EYS: variants seen among roughly 807,000 people sequenced by gnomAD.
The protein encoded by EYS is EGF-like photoreceptor maintenance factor, also known as protein eyes shut homolog.
EYS carries 250 observed loss-of-function variants against 282.1 expected under a neutral mutation model. The ratio of observed to expected loss-of-function variants is 0.89; its 90% CI spans 0.80 to 0.98. The LOEUF (loss-of-function observed/expected upper bound fraction) is 0.98. EYS is among the 50% of genes least tolerant of loss of function. The pLI is 0.00. For missense variants in EYS, 4,016 were observed against 3,709.0 expected, an observed-to-expected ratio of 1.08 and a Z score of -2.15; for synonymous variants, 1,355 against 1,282.9, an observed-to-expected ratio of 1.06 and a Z score of -1.20.
intron 1 of EYS, among the ~76,000 whole-genome samples, chr6:65,692,353 T>C (rs1467942252): frequency 6.7e-6 from 1 of 150,120 alleles, no homozygotes. Context: ...ACTTCACCAC[T>C]GTGCAATATA....
chr6:64,214,622 A>G (rs1765876129), intron 31 of EYS, among the ~76,000 whole-genome samples: 1 of 152,056 alleles, frequency 6.6e-6, no homozygotes, highest in Non-Finnish European at 1.5e-5. Flanking sequence ...GTCTACACAG[A>G]TTAAAGATGT....
intron 15 of EYS, among the ~76,000 whole-genome samples, chr6:64,938,805 A>G (rs78677749): frequency 1.4e-4 from 21 of 151,838 alleles, no homozygotes; most frequent in African/African-American, 5.1e-4. Context: ...TTGTCAATAT[A>G]CAATGGGTTT....
At chr6:63,966,943 G>C (rs938528567) in intron 35 of EYS, among the ~76,000 whole-genome samples, 1 of 152,116 alleles carries the variant, frequency 6.6e-6, no homozygotes, top group African/African-American at 2.4e-5. Context: ...ACAGTACTAG[G>C]ACTTTTATAT....
Position 63,953,879 on chromosome 6 carries a change from C to T in EYS, c.7055+30504G>A, listed in dbSNP as rs181651712. Among the ~76,000 whole-genome samples the T allele has an allele frequency of 1.8e-4, 28 of 152,298 alleles. 1 individual carries two copies. In the East Asian group the frequency reaches 3.7e-3, roughly 20 times the overall value. On this transcript the variant is annotated intron_variant, in intron 35 of 42. Coordinates refer to ENST00000503581, the MANE Select transcript of EYS (RefSeq NM_001142800.2). ...AAACAACTTGGCCTTACTGTTTTAG[C>T]GTAGCCCTCATGTCTGTGTGTGGTG...
rs944509454 is a variant in EYS at position 64,910,698 on chromosome 6, T to C, written c.2641+1786A>G. Reference sequence around the variant, plus strand: ...ATTCTCCCCATGACATCTTTGTCAATGTTCAATGGGACAGCAGATATCATT... The same window carrying C: ...ATTCTCCCCATGACATCTTTGTCAACGTTCAATGGGACAGCAGATATCATT... On this transcript the variant is annotated intron_variant, in intron 16 of 42. Transcript: ENST00000503581. Among the ~76,000 whole-genome samples, 11 of 152,182 alleles carry C rather than the reference T, an allele frequency of 7.2e-5. 1 individual carries two copies. The East Asian group carries it at 2.1e-3, about 29-fold the overall frequency.
At chr6:64,028,636 C>T (rs1298481496) in intron 33 of EYS, among the ~76,000 whole-genome samples, 1 of 152,184 alleles carries the variant, frequency 6.6e-6, no homozygotes, top group African/African-American at 2.4e-5. Context: ...GACCACATGT[C>T]CCAACTTACG....
Position 65,370,215 on chromosome 6 carries a change from ATTTCTTTC to A in EYS, c.1299+14163_1299+14170del, listed in dbSNP as rs1241369578. 3.7e-5 allele frequency among the ~76,000 whole-genome samples: 5 copies of A among 134,642 alleles called. No homozygotes were observed. The East Asian group carries it at 8.7e-4, about 24-fold the overall frequency. The allele number at this position is 134,642 out of a possible 152,430, so 88.3% of individuals were successfully genotyped here. Reference sequence around the variant, plus strand: ...CTTCTTTCTTTCTTTCCCTCCCTCCATTTCTTTCTTTCTTTCCTTTCTATTTCTTTCTT... The same window carrying A: ...CTTCTTTCTTTCTTTCCCTCCCTCCATTTCTTTCCTTTCTATTTCTTTCTT... On this transcript the variant is annotated intron_variant, in intron 8 of 42. Transcript: ENST00000503581.
chr6:64,553,545 A>ATCC (rs1765150929), intron 26 of EYS, among the ~76,000 whole-genome samples: 2 of 46,456 alleles, frequency 4.3e-5, no homozygotes, highest in African/African-American at 1.3e-4. Context: ...CTTTTGTTTG[A>ATCC]CCCCCCCCCC....
At chr6:64,907,089 G>GA (rs1326139841) in intron 16 of EYS, among the ~76,000 whole-genome samples, 4 of 152,116 alleles carry the variant, frequency 2.6e-5, no homozygotes, top group African/African-American at 9.7e-5. Flanking sequence ...GTCCTGCTCT[G>GA]TTGCCTAAGC....
intron 2 of EYS, among the ~76,000 whole-genome samples, chr6:65,578,073 T>G (rs1039402645): frequency 6.6e-6 from 1 of 151,770 alleles, no homozygotes; most frequent in Non-Finnish European, 1.5e-5. Context: ...ATCTAACCAA[T>G]AGGGATATAT....
intron 29 of EYS, chr6:64,378,029 A>C (rs1772620062): frequency 1.3e-5 from 2 of 152,304 alleles, no homozygotes; most frequent in South Asian, 2.1e-4. Flanking sequence ...AACAAACAAA[A>C]AAAGCTACAT....
At chr6:65,030,092 G>T (rs576151372) in intron 13 of EYS, among the ~76,000 whole-genome samples, 66 of 152,286 alleles carry the variant, frequency 4.3e-4, no homozygotes, top group African/African-American at 1.5e-3. Context: ...AGAACAGCTA[G>T]GGATGTACAT....
intron 22 of EYS, among the ~76,000 whole-genome samples, chr6:64,629,837 T>C (rs1160581785): frequency 1.3e-5 from 2 of 152,236 alleles, no homozygotes; most frequent in Non-Finnish European, 2.9e-5. Context: ...TGATTGCATC[T>C]GTAGATAAAG....
At chr6:65,307,963 ATT>A (rs1429524771) in intron 11 of EYS, among the ~76,000 whole-genome samples, 4 of 148,578 alleles carry the variant, frequency 2.7e-5, no homozygotes, top group African/African-American at 9.9e-5. Flanking sequence ...AGAGCCTTTT[ATT>A]TTTATTTATT....
At chr6:64,884,767 G>T (rs1175828418) in intron 19 of EYS, among the ~76,000 whole-genome samples, 1 of 151,442 alleles carries the variant, frequency 6.6e-6, no homozygotes, top group Non-Finnish European at 1.5e-5. Flanking sequence ...TATCTTTCTT[G>T]GTTTGAAACC....
chr6:64,834,193 G>A lies in EYS; in HGVS notation c.2993-11371C>T, dbSNP rs150199381. Among the ~76,000 whole-genome samples, 23 of 151,778 alleles carry A rather than the reference G, an allele frequency of 1.5e-4. No individual in the cohort carries two copies. In the East Asian group the frequency reaches 1.9e-3, roughly 13 times the overall value. Reference sequence around the variant, plus strand: ...GAGTGGAAAATAAATGTTCTTTATCGGAACCAAAAAGCGATCTGAAACTTA... The same window carrying A: ...GAGTGGAAAATAAATGTTCTTTATCAGAACCAAAAAGCGATCTGAAACTTA... On this transcript the variant is annotated intron_variant, in intron 19 of 42. Coordinates refer to ENST00000503581, the MANE Select transcript of EYS (RefSeq NM_001142800.2).
At chr6:64,986,956 C>G (rs187826382) in intron 14 of EYS, among the ~76,000 whole-genome samples, 1 of 151,492 alleles carries the variant, frequency 6.6e-6, no homozygotes, top group Admixed American at 6.6e-5. Flanking sequence ...AGAGTACTCT[C>G]TTTTTCCATT....
intron 30 of EYS, among the ~76,000 whole-genome samples, chr6:64,283,328 G>C (rs1276255029): frequency 6.6e-6 from 1 of 152,050 alleles, no homozygotes; most frequent in East Asian, 1.9e-4. Flanking sequence ...TGCCTTTCAT[G>C]TATCCCTTAA....
intron 11 of EYS, among the ~76,000 whole-genome samples, chr6:65,297,142 A>G (rs1364651054): frequency 6.6e-6 from 1 of 151,410 alleles, no homozygotes; most frequent in Non-Finnish European, 1.5e-5. Context: ...TATATAATAT[A>G]TCCATATGCA....
Sources: gnomAD v4.1 joint callset for allele counts (sites outside exome capture counted in the v4.1 genomes callset) on GRCh38, gnomAD v4.1.1 for gene constraint, MANE v1.5 for transcripts, NCBI Gene and HGNC (gene_info 2026-07-23, HGNC 2026-07-21) for gene names.